SGMS1: variants seen among roughly 807,000 people sequenced by gnomAD.
The protein encoded by SGMS1 is phosphatidylcholine:ceramide cholinephosphotransferase 1.
A neutral mutation model predicts 46.2 loss-of-function variants in SGMS1; 13 were observed. The observed-to-expected ratio is 0.28, with a 90% CI of 0.18 to 0.45. SGMS1 has a LOEUF of 0.45. Ranked by LOEUF, SGMS1 falls within the 20% of genes least tolerant of loss-of-function variation. The probability of loss-of-function intolerance (pLI) is 1.00; values close to 1 mark genes in which losing one functional copy is unlikely to be tolerated. For missense variants in SGMS1, 324 were observed against 519.9 expected, an observed-to-expected ratio of 0.62 and a Z score of 3.66; for synonymous variants, 203 against 187.8, an observed-to-expected ratio of 1.08 and a Z score of -0.66.
intron 5 of SGMS1, among the ~76,000 whole-genome samples, chr10:50,447,402 G>A (rs1588830961): frequency 1.3e-5 from 2 of 151,880 alleles, no homozygotes; most frequent in South Asian, 2.1e-4. Context: ...AATATAAATT[G>A]GTAAAAACCT....
chr10:50,580,447 C>T (rs1256183476), intron 2 of SGMS1, among the ~76,000 whole-genome samples: 1 of 151,306 alleles, frequency 6.6e-6, no homozygotes, highest in African/African-American at 2.4e-5. Context: ...CCCCTCAACC[C>T]TCACTTATAG....
intron 5 of SGMS1, among the ~76,000 whole-genome samples, chr10:50,440,443 A>G (rs1191969855): frequency 6.6e-6 from 1 of 152,168 alleles, no homozygotes; most frequent in East Asian, 1.9e-4. Flanking sequence ...ACATGAATTT[A>G]AACCTCTCTA....
At chr10:50,600,251 G>GAAAGAGGAGGGA (rs1838637261) in intron 1 of SGMS1, among the ~76,000 whole-genome samples, 1 of 152,212 alleles carries the variant, frequency 6.6e-6, no homozygotes, top group Non-Finnish European at 1.5e-5. Context: ...TGCTGGTTAT[G>GAAAGAGGAGGGA]AAAGAGGAGG....
intron 1 of SGMS1, among the ~76,000 whole-genome samples, chr10:50,613,159 C>CA (rs995666396): frequency 6.7e-6 from 1 of 148,154 alleles, no homozygotes; most frequent in Non-Finnish European, 1.5e-5. Flanking sequence ...AAATAAAAAC[C>CA]AAAAAAATGC....
intron 1 of SGMS1, among the ~76,000 whole-genome samples, chr10:50,593,026 G>A (rs942386997): frequency 7.9e-5 from 12 of 151,312 alleles, no homozygotes; most frequent in African/African-American, 2.7e-4. Context: ...AAATGCTGGC[G>A]TGAGACTGCA....
chr10:50,418,011 A>G (rs559976331), intron 6 of SGMS1: 2 of 152,334 alleles, frequency 1.3e-5, no homozygotes, highest in African/African-American at 4.8e-5. Flanking sequence ...ATCGGTTCAC[A>G]CCGTCTGTTA....
At chr10:50,616,062 CTCT>C (rs1838793809) in intron 1 of SGMS1, among the ~76,000 whole-genome samples, 1 of 152,138 alleles carries the variant, frequency 6.6e-6, no homozygotes, top group South Asian at 2.1e-4. Flanking sequence ...GCTTTTCTGA[CTCT>C]TCTTTATTAT....
At chr10:50,426,599 G>T (rs1400419280) in intron 6 of SGMS1, among the ~76,000 whole-genome samples, 1 of 152,156 alleles carries the variant, frequency 6.6e-6, no homozygotes, top group African/African-American at 2.4e-5. Context: ...GAAAGCCCCT[G>T]GTCCAAGATG....
At chr10:50,606,411 T>C (rs1838694310) in intron 1 of SGMS1, among the ~76,000 whole-genome samples, 1 of 152,212 alleles carries the variant, frequency 6.6e-6, no homozygotes, top group Non-Finnish European at 1.5e-5. Flanking sequence ...TGCACAACAA[T>C]TTGAAGGTAC....
chr10:50,436,895 G>A (rs1392605585), intron 5 of SGMS1, among the ~76,000 whole-genome samples: 1 of 152,138 alleles, frequency 6.6e-6, no homozygotes, highest in Non-Finnish European at 1.5e-5. Flanking sequence ...ACAGTATCCC[G>A]TGGCCATGAA....
At chr10:50,352,910 G>T (rs12240352) in intron 6 of SGMS1, among the ~76,000 whole-genome samples, 31,762 of 152,104 alleles carry the variant, frequency 0.21, 3,364 homozygotes, top group East Asian at 0.27. Context: ...TCTCTGAACA[G>T]ACCAATAACA....
At chr10:50,368,867 T>C (rs1379215461) in intron 6 of SGMS1, among the ~76,000 whole-genome samples, 2 of 152,228 alleles carry the variant, frequency 1.3e-5, no homozygotes, top group Admixed American at 6.5e-5. Context: ...CTATTTTGCA[T>C]TAGGTCAAAT....
chr10:50,411,476 G>T (rs1395187350), intron 6 of SGMS1, among the ~76,000 whole-genome samples: 1 of 152,178 alleles, frequency 6.6e-6, no homozygotes, highest in Non-Finnish European at 1.5e-5. Flanking sequence ...AAAATTACAA[G>T]TTGATGCCCA....
At chr10:50,314,348 G>C (rs545200033) in intron 8 of SGMS1, among the ~76,000 whole-genome samples, 1 of 152,164 alleles carries the variant, frequency 6.6e-6, no homozygotes, top group East Asian at 1.9e-4. Context: ...GGGAAGAGCA[G>C]GCCACGAAAC....
intron 3 of SGMS1, among the ~76,000 whole-genome samples, chr10:50,519,371 G>C (rs1837837635): frequency 6.6e-6 from 1 of 152,214 alleles, no homozygotes; most frequent in Admixed American, 6.5e-5. Flanking sequence ...CTCCAGAGAA[G>C]AAGGCAGACC....
intron 6 of SGMS1, among the ~76,000 whole-genome samples, chr10:50,424,855 T>C (rs746630466): frequency 8.4e-5 from 12 of 143,308 alleles, no homozygotes; most frequent in Non-Finnish European, 1.3e-4. Flanking sequence ...GAGGTTGCAG[T>C]GAGCCAAGAT....
At chr10:50,446,004 T>C (rs1012558387) in intron 5 of SGMS1, among the ~76,000 whole-genome samples, 1 of 152,088 alleles carries the variant, frequency 6.6e-6, no homozygotes, top group African/African-American at 2.4e-5. Flanking sequence ...AGCCCCCATC[T>C]CCCCTAGTGC....
chr10:50,433,675 T>C (rs1351663624), intron 5 of SGMS1, 119 bp from the exon 6 acceptor site: 1 of 152,294 alleles, frequency 6.6e-6, no homozygotes, highest in African/African-American at 2.4e-5. Context: ...ATCTCTTCTC[T>C]TTTTTACCAA....
chr10:50,545,112 A>G (rs1374134412), intron 2 of SGMS1, among the ~76,000 whole-genome samples: 1 of 152,186 alleles, frequency 6.6e-6, no homozygotes, highest in Non-Finnish European at 1.5e-5. Flanking sequence ...TATTTCCCGG[A>G]AGCACACAGA....
Sources: allele counts gnomAD v4.1 joint callset (sites outside exome capture counted in the v4.1 genomes callset), GRCh38; gene constraint gnomAD v4.1.1; transcripts MANE v1.5; gene names NCBI Gene and HGNC (gene_info 2026-07-23, HGNC 2026-07-21).